Variants in RBFOX1 observed in about 807,000 individuals in gnomAD.
The protein encoded by RBFOX1 is RNA binding protein fox-1 homolog 1.
A neutral mutation model predicts 57.7 loss-of-function variants in RBFOX1; 8 were observed. The observed-to-expected ratio is 0.14, with a 90% CI of 0.08 to 0.25. RBFOX1 has a LOEUF of 0.25. RBFOX1 is among the 10% of genes least tolerant of loss of function. RBFOX1 has a pLI of 1.00. For synonymous variants in RBFOX1, 326 were observed against 222.4 expected (o/e 1.47, Z -4.15); for missense variants, 611 against 548.5 (o/e 1.11, Z -1.14).
At chr16:6,674,997 C>T (rs1358515666) in intron 3 of RBFOX1, among the ~76,000 whole-genome samples, 1 of 152,102 alleles carries the variant, frequency 6.6e-6, no homozygotes, top group Admixed American at 6.5e-5. Context: ...CCTCTGCCTC[C>T]CAGGTTCAAG....
At chr16:6,435,619 T>A (rs905762767) in intron 2 of RBFOX1, among the ~76,000 whole-genome samples, 6 of 152,174 alleles carry the variant, frequency 3.9e-5, no homozygotes, top group Non-Finnish European at 7.3e-5. Context: ...TCGTTTTATA[T>A]AGCATCTACC....
chr16:5,239,808 C>T (rs923243749), upstream of RBFOX1: 79 of 785,952 alleles, frequency 1.0e-4, no homozygotes, highest in African/African-American at 1.3e-3. Flanking sequence ...AGCCCGCGCT[C>T]AGACGCCCCA....
At chr16:7,017,584 G>C (rs1160956664) in intron 3 of RBFOX1, among the ~76,000 whole-genome samples, 1 of 152,160 alleles carries the variant, frequency 6.6e-6, no homozygotes, top group Non-Finnish European at 1.5e-5. Context: ...GCAAATTGTT[G>C]TTTTCATGAG....
chr16:7,224,003 G>A (rs2092923978), intron 4 of RBFOX1, among the ~76,000 whole-genome samples: 1 of 151,780 alleles, frequency 6.6e-6, no homozygotes, highest in African/African-American at 2.4e-5. Context: ...AAGTACATAA[G>A]TAAAGTACAT....
chr16:7,624,643 A>C (rs1306623787), intron 10 of RBFOX1, among the ~76,000 whole-genome samples: 2 of 152,344 alleles, frequency 1.3e-5, no homozygotes, highest in East Asian at 3.9e-4. Flanking sequence ...CACTAGAGGC[A>C]GAGGGACTAA....
At chr16:7,150,515 C>T (rs1007439075) in intron 4 of RBFOX1, among the ~76,000 whole-genome samples, 2 of 151,866 alleles carry the variant, frequency 1.3e-5, no homozygotes, top group South Asian at 2.1e-4. Flanking sequence ...AATGATGACA[C>T]CATGAAGAAA....
chr16:7,144,921 C>T (rs1482455930), intron 4 of RBFOX1, among the ~76,000 whole-genome samples: 2 of 152,098 alleles, frequency 1.3e-5, no homozygotes, highest in Non-Finnish European at 2.9e-5. Flanking sequence ...ATGTGAGGCA[C>T]CTTTGCCTAC....
intron 2 of RBFOX1, among the ~76,000 whole-genome samples, chr16:6,501,710 G>C (rs548446811): frequency 6.6e-6 from 1 of 152,198 alleles, no homozygotes; most frequent in South Asian, 2.1e-4. Context: ...CATTCACCCA[G>C]TCCACTGACC....
chr16:6,592,423 G>T (rs1452041766), intron 2 of RBFOX1, among the ~76,000 whole-genome samples: 1 of 152,162 alleles, frequency 6.6e-6, no homozygotes, highest in Admixed American at 6.5e-5. Flanking sequence ...AGGAACAAGA[G>T]TGTCATATGG....
chr16:5,867,773 A>G (rs1482322115), intron 4 of RBFOX1, among the ~76,000 whole-genome samples: 5 of 151,916 alleles, frequency 3.3e-5, no homozygotes, highest in Non-Finnish European at 7.4e-5. Flanking sequence ...GTGCAGTGGC[A>G]TGATGTCGGC....
chr16:5,890,815 G>C (rs557038451), intron 4 of RBFOX1, among the ~76,000 whole-genome samples: 44 of 152,154 alleles, frequency 2.9e-4, no homozygotes, highest in Middle Eastern at 3.4e-3. Context: ...GACTAAGAGG[G>C]TTAAATGGAA....
At chr16:6,873,693 A>G (rs7198411) in intron 3 of RBFOX1, among the ~76,000 whole-genome samples, 1 of 152,130 alleles carries the variant, frequency 6.6e-6, no homozygotes, top group Non-Finnish European at 1.5e-5. Context: ...TTATGGCATC[A>G]TGATTGTCAC....
intron 4 of RBFOX1, among the ~76,000 whole-genome samples, chr16:7,155,785 A>G (rs918158800): frequency 5.4e-5 from 8 of 149,000 alleles, no homozygotes; most frequent in Middle Eastern, 3.2e-3. Flanking sequence ...AGACACATAT[A>G]TAATCATTCA....
intron 3 of RBFOX1, among the ~76,000 whole-genome samples, chr16:5,663,364 C>G (rs982684621): frequency 6.6e-5 from 10 of 151,862 alleles, no homozygotes; most frequent in Admixed American, 2.0e-4. Flanking sequence ...GCCACCATGC[C>G]CAGCTAATTT....
intron 1 of RBFOX1, among the ~76,000 whole-genome samples, chr16:5,394,635 C>T (rs575150230): frequency 3.4e-4 from 51 of 148,886 alleles, no homozygotes; most frequent in South Asian, 1.7e-3. Flanking sequence ...AGTCATGGCT[C>T]GCTGCATTCT....
At chr16:7,627,494 T>C (rs1370065963) in intron 10 of RBFOX1, among the ~76,000 whole-genome samples, 1 of 152,198 alleles carries the variant, frequency 6.6e-6, no homozygotes, top group African/African-American at 2.4e-5. Flanking sequence ...GTGATACAAA[T>C]GAAGGTTCCT....
At chr16:7,353,836 A>C (rs1295049213) in intron 4 of RBFOX1, among the ~76,000 whole-genome samples, 1 of 152,190 alleles carries the variant, frequency 6.6e-6, no homozygotes, top group Non-Finnish European at 1.5e-5. Flanking sequence ...TTTTATGGAT[A>C]TGGATTTTCT....
At chr16:7,522,019 T>A (rs751953779) in intron 5 of RBFOX1, among the ~76,000 whole-genome samples, 9 of 152,166 alleles carry the variant, frequency 5.9e-5, no homozygotes, top group Non-Finnish European at 7.4e-5. Flanking sequence ...GGAATCAATC[T>A]CCATTCCTGG....
chr16:5,490,050 C>G (rs777898461), intron 2 of RBFOX1, among the ~76,000 whole-genome samples: 17 of 152,344 alleles, frequency 1.1e-4, no homozygotes, highest in Admixed American at 3.9e-4. Context: ...GCCTGTGAGC[C>G]ACAGCCACTG....
Sources: gnomAD v4.1 joint callset for allele counts (sites outside exome capture counted in the v4.1 genomes callset) on GRCh38, gnomAD v4.1.1 for gene constraint, MANE v1.5 for transcripts, NCBI Gene and HGNC (gene_info 2026-07-23, HGNC 2026-07-21) for gene names.